The following F13B variants were observed in gnomAD, a reference collection of about 807,000 sequenced individuals.
F13B encodes the protein coagulation factor XIII B chain.
In F13B, 58 loss-of-function variants were observed where a neutral mutation model predicts 79.8. That is an observed-to-expected ratio of 0.73 (90% CI 0.59 to 0.90). F13B has a LOEUF of 0.90. Ranked by LOEUF, F13B falls within the 40% of genes least tolerant of loss-of-function variation. The pLI, the probability that F13B is intolerant of heterozygous loss-of-function variation, is 0.00. For missense variants in F13B, 773 were observed against 777.0 expected (o/e 0.99, Z 0.06); for synonymous variants, 283 against 260.3 (o/e 1.09, Z -0.84).
At position 197,061,950 on chromosome 1, in the gene F13B, G is replaced by T; in HGVS notation, c.285C>A (p.Asp95Glu). The change falls in exon 3 of 12, where the codon GAC (aspartate) becomes GAA (glutamate). Residue 95 changes from aspartate to glutamate, a missense_variant. Physicochemically the swap from Asp to Glu is conservative, Grantham distance 45 (BLOSUM62 2). Transcript: ENST00000367412. ...CATCAGAGATGTAACCATTACTCAG[G>T]TCAGGCTTAGTGCATTTTTCTATGG... is the stretch of plus-strand genomic sequence containing the variant. ...PRCFKKCTKPDLSNGYISDVK... is the reference protein window; with the variant it reads ...PRCFKKCTKPELSNGYISDVK... 1 of 1,612,002 alleles carries T rather than the reference G, an allele frequency of 6.2e-7. No individual in the cohort carries two copies. Among genetic ancestry groups the T allele is most frequent in the Non-Finnish European group, 8.5e-7 (1 of 1,178,864 alleles).
intron 5 of F13B, among the ~76,000 whole-genome samples, chr1:197,057,685 G>A (rs1655698984): frequency 6.6e-6 from 1 of 152,098 alleles, no homozygotes; most frequent in South Asian, 2.1e-4. Flanking sequence ...ATACAGCAAA[G>A]GTGATGGATT....
chr1:197,046,749 T>C (rs1303120085), intron 10 of F13B, among the ~76,000 whole-genome samples: 4 of 152,184 alleles, frequency 2.6e-5, no homozygotes, highest in South Asian at 2.1e-4. Flanking sequence ...TCAGGCTACC[T>C]GACTTCAAAC....
chr1:197,040,810 T>A, intron 10 of F13B, 75 bp from the exon 11 acceptor site: 1 of 1,251,836 alleles, frequency 8.0e-7, no homozygotes, highest in Non-Finnish European at 1.1e-6. Flanking sequence ...AGAACAGGAA[T>A]CGTTGTGTTG....
At position 197,050,753 on chromosome 1, in the gene F13B, C is replaced by T. The variant is rs747109019; in HGVS notation, c.1682G>A (p.Gly561Glu). 6.2e-7 allele frequency: 1 copy of T among 1,613,260 alleles called. No homozygotes were observed. The highest frequency in any genetic ancestry group is 8.5e-7 in the Non-Finnish European group (1 of 1,179,550). The change falls in exon 10 of 12, where the codon GGA (glycine) becomes GAA (glutamate). Residue 561 changes from glycine (G) to glutamate (E), a missense_variant. Physicochemically the swap from Gly to Glu is moderately conservative, Grantham distance 98. Transcript: ENST00000367412. ...YRCFDHHFLE[G>E]SREAYCLDGM... ...ATCTAAACAATAGGCCTCCCTAGAT[C>T]CTTCTAGGAAATGGTGATCAAAACA...
chr1:197,042,655 C>CAA (rs933019932), intron 10 of F13B, among the ~76,000 whole-genome samples: 123 of 72,408 alleles, frequency 1.7e-3, no homozygotes, highest in African/African-American at 4.8e-3. Context: ...CCCATCTCTA[C>CAA]AAAAAAAAAA....
At position 197,055,789 on chromosome 1, in the gene F13B, T is replaced by G; in HGVS notation, c.1280A>C (p.Glu427Ala). ...TTTTGATCCCCTCAGTAAGTAATAT[T>G]CATTGCATCTATATTCCACTGAGGA... ...TGSSVEYRCN[E>A]YYLLRGSKIS... The change falls in exon 8 of 12, where the codon GAA (glutamate) becomes GCA (alanine). Residue 427 changes from glutamate (E) to alanine (A), a missense_variant. Transcript: ENST00000367412. 6.2e-7 allele frequency: 1 copy of G among 1,613,646 alleles called. No homozygotes were observed. Among genetic ancestry groups the G allele is most frequent in the Non-Finnish European group, 8.5e-7 (1 of 1,179,742 alleles).
chr1:197,062,993 T>C lies in F13B; in HGVS notation c.129A>G (p.Lys43=). Residue 43 remains lysine (K), a synonymous_variant, in exon 2 of 12, where the codon AAA becomes AAG. Coordinates refer to ENST00000367412, the MANE Select transcript of F13B (RefSeq NM_001994.3). The part of the protein sequence containing the change: ...GRIAQYYYTF[K]SFYFPMSIDK... ...CTATGCTCATTGGAAAGTAAAAGCT[T>C]TTAAAAGTATAGTAATATTGGGCAA... 1 of 1,613,690 alleles carries C rather than the reference T, an allele frequency of 6.2e-7. No homozygotes were observed. Among genetic ancestry groups the C allele is most frequent in the Non-Finnish European group, 8.5e-7 (1 of 1,179,760 alleles).
In F13B at chr1:197,057,445, G is replaced by T. The variant is rs773446437; in HGVS notation, c.826C>A (p.Pro276Thr). The change falls in exon 6 of 12, where the codon CCT (proline) becomes ACT (threonine). Residue 276 changes from proline (P) to threonine (T), a missense_variant. Coordinates refer to ENST00000367412, the MANE Select transcript of F13B (RefSeq NM_001994.3). ...VCEGRRNRCP[P>T]PPLPINSKIQ... ...TTGGAGTTTATGGGCAGAGGTGGAG[G>T]AGGACATCTGTTTCTTCTTCCTTAT... 1 of 1,613,828 alleles carries T rather than the reference G, an allele frequency of 6.2e-7. No homozygotes were observed. Among genetic ancestry groups the T allele is most frequent in the South Asian group, 1.1e-5 (1 of 91,070 alleles).
chr1:197,045,183 C>T (rs539949128), intron 10 of F13B, among the ~76,000 whole-genome samples: 2 of 151,948 alleles, frequency 1.3e-5, no homozygotes, highest in East Asian at 3.9e-4. Flanking sequence ...GAAATAGAGA[C>T]ACAAAAAATC....
rs1240457195 is a variant in F13B, at chr1:197,059,481, C to T, written c.805+885G>A. Among the ~76,000 whole-genome samples, 5 of 152,098 alleles carry T rather than the reference C, an allele frequency of 3.3e-5. No individual in the cohort carries two copies. The East Asian group carries it at 7.7e-4, about 23-fold the overall frequency. ...GTTCTACCTTCATGTCTTTCACCTG[C>T]CTGTCAATAGACCTTATATCCCATA... On this transcript the variant is annotated intron_variant, in intron 5 of 11. Transcript: ENST00000367412.
At chr1:197,061,674 C>T (rs1553322295) in intron 3 of F13B, 110 bp downstream of exon 3, 3 of 908,254 alleles carry the variant, frequency 3.3e-6, no homozygotes, top group Non-Finnish European at 5.1e-6. Flanking sequence ...GCATTGTAGA[C>T]ATAATGAAAA....
At chr1:197,061,719 CTTCAATATA>C (rs1655869001) in intron 3 of F13B, 56 bp downstream of exon 3, 1 of 1,306,244 alleles carries the variant, frequency 7.7e-7, no homozygotes, top group African/African-American at 1.5e-5. Flanking sequence ...TCAATATAAG[CTTCAATATA>C]TTCAATATAA....
chr1:197,057,277 G>T lies in F13B; in HGVS notation c.985+9C>A. The T allele has an allele frequency of 1.2e-6, 2 of 1,613,890 alleles. No homozygotes were observed. Among genetic ancestry groups the T allele is most frequent in the African/African-American group, 1.3e-5 (1 of 74,980 alleles). ...CATTTTAGCAAAGCTTCTTCAAGGT[G>T]TTACTAACCAATGCATTTTGGAGGT... On this transcript the variant is annotated intron_variant, in intron 6 of 11. Coordinates refer to ENST00000367412, the MANE Select transcript of F13B (RefSeq NM_001994.3).
intron 9 of F13B, among the ~76,000 whole-genome samples, chr1:197,051,521 C>A (rs1359081818): frequency 6.6e-6 from 1 of 152,048 alleles, no homozygotes; most frequent in African/African-American, 2.4e-5. Flanking sequence ...CAATGCTTTA[C>A]AGTGTTTGTT....
Position 197,052,697 on chromosome 1 carries a change from A to G in F13B, c.1492T>C (p.Leu498=). Residue 498 remains leucine, a synonymous_variant, in exon 9 of 12, where the codon TTG becomes CTG. Coordinates refer to ENST00000367412, the MANE Select transcript of F13B (RefSeq NM_001994.3). Reference sequence around the variant, plus strand: ...TTGCACTGCACAGATAATTCAGACAATGGGGTTAATGGAGATAAGTCATAT... The same window carrying G: ...TTGCACTGCACAGATAATTCAGACAGTGGGGTTAATGGAGATAAGTCATAT... ...QGYDLSPLTP[L]SELSVQCNRG... The G allele has an allele frequency of 6.2e-7, 1 of 1,612,114 alleles. No homozygotes were observed. The highest frequency in any genetic ancestry group is 8.5e-7 in the Non-Finnish European group (1 of 1,178,864).
chr1:197,053,668 T>C (rs1467631318), intron 8 of F13B, among the ~76,000 whole-genome samples: 1 of 151,792 alleles, frequency 6.6e-6, no homozygotes, highest in Admixed American at 6.6e-5. Flanking sequence ...ATAAGATAAA[T>C]TAGATGAAAA....
At position 197,052,697 on chromosome 1, in the gene F13B, A is replaced by T. The variant is rs745920823; in HGVS notation, c.1492T>A (p.Leu498Met). 6.2e-7 allele frequency: 1 copy of T among 1,612,114 alleles called. No homozygotes were observed. The highest frequency in any genetic ancestry group is 8.5e-7 in the Non-Finnish European group (1 of 1,178,864). ...QGYDLSPLTP[L>M]SELSVQCNRG... ...TTGCACTGCACAGATAATTCAGACA[A>T]TGGGGTTAATGGAGATAAGTCATAT... Residue 498 changes from leucine (L) to methionine (M), a missense_variant, in exon 9 of 12, where the codon TTG (leucine) becomes ATG (methionine). Transcript: ENST00000367412.
intron 8 of F13B, among the ~76,000 whole-genome samples, chr1:197,053,445 AG>A (rs367758101): frequency 6.6e-6 from 1 of 152,030 alleles, no homozygotes; most frequent in African/African-American, 2.4e-5. Flanking sequence ...GGTTTTATAA[AG>A]GGGAGTTTCC....
chr1:197,050,173 G>A (rs1449777540), intron 10 of F13B, among the ~76,000 whole-genome samples: 2 of 152,012 alleles, frequency 1.3e-5, no homozygotes, highest in African/African-American at 4.8e-5. Flanking sequence ...GAAGATAAGA[G>A]AAGTAAATAA....
Sources: allele counts gnomAD v4.1 joint callset (sites outside exome capture counted in the v4.1 genomes callset), GRCh38; gene constraint gnomAD v4.1.1; transcripts MANE v1.5; gene names NCBI Gene and HGNC (gene_info 2026-07-23, HGNC 2026-07-21).